Variants in PCDH15 observed in about 807,000 individuals in gnomAD.
PCDH15 encodes the protein protocadherin-15.
A neutral mutation model predicts 178.5 loss-of-function variants in PCDH15; 129 were observed. That is an observed-to-expected ratio of 0.72 (90% CI 0.63 to 0.84). The LOEUF (loss-of-function observed/expected upper bound fraction) is 0.84, where lower values mean the gene tolerates loss of function less well. Among genes scored for constraint, PCDH15 ranks in the 40% least tolerant of loss-of-function variants. PCDH15 has a pLI of 0.00. For synonymous variants in PCDH15, 800 were observed against 732.0 expected (o/e 1.09, Z -1.50); for missense variants, 2,230 against 2,099.9 (o/e 1.06, Z -1.21).
intron 2 of PCDH15, among the ~76,000 whole-genome samples, chr10:55,332,420 CAAT>C (rs1264630789): frequency 1.3e-5 from 2 of 152,070 alleles, no homozygotes; most frequent in East Asian, 3.9e-4. Context: ...AATTGTGTGT[CAAT>C]AACAAGAGCT....
chr10:54,943,943 C>T (rs555556482), intron 2 of PCDH15, among the ~76,000 whole-genome samples: 4 of 151,438 alleles, frequency 2.6e-5, no homozygotes, highest in Admixed American at 2.6e-4. Flanking sequence ...GAGTTTCTAT[C>T]CCACAGCAAG....
chr10:54,533,699 A>AGTGAACT (rs2084171174), intron 2 of PCDH15, among the ~76,000 whole-genome samples: 1 of 152,208 alleles, frequency 6.6e-6, no homozygotes, highest in Non-Finnish European at 1.5e-5. Context: ...CTAAATCACC[A>AGTGAACT]GTGAACTCTG....
At chr10:55,251,055 C>T (rs1029089711) in intron 1 of PCDH15, among the ~76,000 whole-genome samples, 2 of 151,818 alleles carry the variant, frequency 1.3e-5, no homozygotes, top group South Asian at 4.1e-4. Context: ...TCCTGTGTAC[C>T]CTTTACTCAA....
chr10:54,088,062 A>AGGG (rs2094543155), intron 16 of PCDH15, among the ~76,000 whole-genome samples: 1 of 152,184 alleles, frequency 6.6e-6, no homozygotes, highest in Non-Finnish European at 1.5e-5. Context: ...TAGCCTGCAG[A>AGGG]ACCGTGAGGC....
chr10:54,737,336 T>C (rs1944250902), intron 1 of PCDH15, among the ~76,000 whole-genome samples: 1 of 152,114 alleles, frequency 6.6e-6, no homozygotes, highest in African/African-American at 2.4e-5. Context: ...AAGTTCATCT[T>C]TGAATCACCC....
chr10:54,239,225 T>TTTG (rs138268397), intron 8 of PCDH15, among the ~76,000 whole-genome samples: 8,261 of 152,050 alleles, frequency 0.054, 552 homozygotes, highest in African/African-American at 0.17. Context: ...CAGTTTTAGC[T>TTTG]TTAATTAGTA....
chr10:55,289,391 C>A (rs1842953533), intron 1 of PCDH15, among the ~76,000 whole-genome samples: 1 of 141,668 alleles, frequency 7.1e-6, no homozygotes, highest in East Asian at 2.1e-4. Context: ...AAGAAGGAGA[C>A]AGAAAAAGAG....
chr10:54,483,840 C>T (rs1337471595), intron 3 of PCDH15, among the ~76,000 whole-genome samples: 1 of 151,710 alleles, frequency 6.6e-6, no homozygotes, highest in Non-Finnish European at 1.5e-5. Flanking sequence ...CTAACATTCA[C>T]CCTATCAAAA....
chr10:53,976,719 TAA>T (rs1391632626), intron 21 of PCDH15, among the ~76,000 whole-genome samples: 1 of 152,124 alleles, frequency 6.6e-6, no homozygotes, highest in African/African-American at 2.4e-5. Flanking sequence ...TGCCATTATT[TAA>T]GAGGGCAATA....
At chr10:53,930,032 T>C (rs190362561) in intron 25 of PCDH15, among the ~76,000 whole-genome samples, 63 of 152,288 alleles carry the variant, frequency 4.1e-4, no homozygotes, top group African/African-American at 1.3e-3. Flanking sequence ...GGGTACAGGC[T>C]TCTTGAAGCT....
At chr10:53,910,780 G>A (rs888111495) in intron 25 of PCDH15, among the ~76,000 whole-genome samples, 12 of 152,084 alleles carry the variant, frequency 7.9e-5, no homozygotes, top group Non-Finnish European at 1.5e-4. Context: ...AAGATTAGAC[G>A]AATGGCTAAC....
chr10:54,714,268 C>T (rs2095454507), intron 1 of PCDH15, among the ~76,000 whole-genome samples: 1 of 152,134 alleles, frequency 6.6e-6, no homozygotes, highest in Non-Finnish European at 1.5e-5. Flanking sequence ...TGTCTCTAAA[C>T]AGCTCCACCA....
rs138523590 is a variant in PCDH15 at position 55,210,938 on chromosome 10, T to C, written c.-155-44287A>G. 2.6e-5 allele frequency among the ~76,000 whole-genome samples: 4 copies of C among 152,114 alleles called. No individual in the cohort carries two copies. In the East Asian group the frequency reaches 7.7e-4, roughly 29 times the overall value. On this transcript the variant is annotated intron_variant, in intron 1 of 5. Coordinates refer to the PCDH15 transcript ENST00000458638. The stretch of plus-strand genomic sequence containing the variant: ...ACCGTGTCCGGTCTGATGATTCTTT[T>C]AATAACTGACTGTAAATATAGAGTC...
intron 2 of PCDH15, among the ~76,000 whole-genome samples, chr10:55,075,320 CTCTTTA>C (rs144125816): frequency 0.068 from 10,172 of 149,424 alleles, 454 homozygotes; most frequent in African/African-American, 0.11. Flanking sequence ...TGAGTTTTGT[CTCTTTA>C]TCTTTGTTAG....
intron 26 of PCDH15, among the ~76,000 whole-genome samples, chr10:53,895,180 G>C (rs1036301504): frequency 9.2e-5 from 14 of 152,150 alleles, no homozygotes; most frequent in Admixed American, 3.9e-4. Context: ...CCTAACCTCT[G>C]TCTAGAAACA....
intron 1 of PCDH15, among the ~76,000 whole-genome samples, chr10:54,768,255 C>A (rs1439701211): frequency 2.0e-5 from 3 of 152,098 alleles, no homozygotes; most frequent in Non-Finnish European, 4.4e-5. Context: ...TCTTGCTTTG[C>A]AATAAGCTGC....
chr10:55,255,478 C>T (rs983092835), intron 1 of PCDH15, among the ~76,000 whole-genome samples: 68 of 152,228 alleles, frequency 4.5e-4, no homozygotes, highest in African/African-American at 1.1e-3. Context: ...CGTAATGGAA[C>T]GGCTGGGTCA....
rs1247795492 is a variant in PCDH15 at position 53,840,515 on chromosome 10, A to G, written c.3807-19T>C. 2 of 1,607,004 alleles carry G rather than the reference A, an allele frequency of 1.2e-6. No homozygotes were observed. Among genetic ancestry groups the G allele is most frequent in the East Asian group, 2.2e-5 (1 of 44,846 alleles). ...CAAGATCCTATAAATCAAACAAAGTACAAACATGACAGTCCAATGGGCTTT... is the reference window on the plus strand; with the variant it reads ...CAAGATCCTATAAATCAAACAAAGTGCAAACATGACAGTCCAATGGGCTTT... On this transcript the variant is annotated intron_variant, in intron 28 of 37. Coordinates refer to ENST00000644397, the MANE Select transcript of PCDH15 (RefSeq NM_001384140.1).
intron 21 of PCDH15, among the ~76,000 whole-genome samples, chr10:53,979,530 GT>G (rs2090451514): frequency 6.6e-6 from 1 of 152,162 alleles, no homozygotes; most frequent in South Asian, 2.1e-4. Flanking sequence ...TTGTTGGCAA[GT>G]TTTCAATCTA....
Sources: gnomAD v4.1 joint callset for allele counts (sites outside exome capture counted in the v4.1 genomes callset) on GRCh38, gnomAD v4.1.1 for gene constraint, MANE v1.5 for transcripts, NCBI Gene and HGNC (gene_info 2026-07-23, HGNC 2026-07-21) for gene names.